The following ZNF512 variants were observed in gnomAD, a reference collection of about 807,000 sequenced individuals.
The protein encoded by ZNF512 is zinc finger protein 512.
A neutral mutation model predicts 77.5 loss-of-function variants in ZNF512; 25 were observed. That is an observed-to-expected ratio of 0.32 (90% CI 0.23 to 0.45). ZNF512 has a LOEUF of 0.45. Among genes scored for constraint, ZNF512 ranks in the 20% least tolerant of loss-of-function variants. The probability of loss-of-function intolerance (pLI) is 1.00; values close to 1 mark genes in which losing one functional copy is unlikely to be tolerated. For synonymous variants in ZNF512, 246 were observed against 239.9 expected (o/e 1.03, Z -0.24); for missense variants, 483 against 692.6 (o/e 0.70, Z 3.40).
chr2:27,609,559 C>G (rs1672518607), intron 10 of ZNF512, among the ~76,000 whole-genome samples: 1 of 152,042 alleles, frequency 6.6e-6, no homozygotes, highest in African/African-American at 2.4e-5. Context: ...GAAACCCCGT[C>G]TCTACTAAAA....
In ZNF512 at chr2:27,601,109, C is replaced by T. The variant is rs76742083; in HGVS notation, c.583-247C>T. ...CCATGAGAGGATAAGAAAGAAGTAACGCAGGGCTAAATGCCTAGCCCATTA... is the reference window on the plus strand; with the variant it reads ...CCATGAGAGGATAAGAAAGAAGTAATGCAGGGCTAAATGCCTAGCCCATTA... On this transcript the variant is annotated intron_variant, in intron 6 of 13. Transcript: ENST00000355467. Among the ~76,000 whole-genome samples, 1,401 of 152,254 alleles carry T rather than the reference C, an allele frequency of 9.2e-3. 20 individuals are homozygous for T. Among genetic ancestry groups the T allele is most frequent in the African/African-American group, 0.032 (1,334 of 41,540 alleles).
At chr2:27,620,014 A>G (rs1399818051) in intron 13 of ZNF512, among the ~76,000 whole-genome samples, 1 of 152,188 alleles carries the variant, frequency 6.6e-6, no homozygotes, top group Non-Finnish European at 1.5e-5. Context: ...AGGTCTAAAT[A>G]TTGCATTTGT....
chr2:27,617,601 T>TA (rs1324736039), intron 13 of ZNF512, 30 bp downstream of exon 13: 1 of 831,434 alleles, frequency 1.2e-6, no homozygotes, highest in Non-Finnish European at 2.2e-6. Flanking sequence ...GTGGGCCTGA[T>TA]ATGTAAGCCA....
intron 1 of ZNF512, 189 bp from the exon 2 acceptor site, chr2:27,583,469 G>A: frequency 6.8e-7 from 1 of 1,461,530 alleles, no homozygotes; most frequent in Non-Finnish European, 9.0e-7. Flanking sequence ...CGAAGGCTCT[G>A]GTATTGTTAC....
rs535828912 is a variant in ZNF512, at chr2:27,603,815, C to T, written c.936+508C>T. ...GTCTCATTATGTAGCACAGGCCAGT[C>T]GCAAACTCCTGGCCTCAAGTGATCC... On this transcript the variant is annotated intron_variant, in intron 9 of 13. Coordinates refer to ENST00000355467, the MANE Select transcript of ZNF512 (RefSeq NM_032434.4). 8.6e-5 allele frequency among the ~76,000 whole-genome samples: 13 copies of T among 151,786 alleles called. No homozygotes were observed. The South Asian group carries it at 2.3e-3, about 27-fold the overall frequency.
intron 2 of ZNF512, among the ~76,000 whole-genome samples, chr2:27,584,981 TG>T (rs1436204421): frequency 6.6e-6 from 1 of 152,206 alleles, no homozygotes; most frequent in Non-Finnish European, 1.5e-5. Flanking sequence ...GGAAGGGTAC[TG>T]GGAAACTGGT....
intron 11 of ZNF512, 39 bp downstream of exon 11, chr2:27,615,308 C>T (rs755022074): frequency 7.6e-7 from 1 of 1,315,960 alleles, no homozygotes; most frequent in Admixed American, 2.1e-5. Flanking sequence ...AAATGTTTAT[C>T]AAGCATCTGC....
intron 2 of ZNF512, among the ~76,000 whole-genome samples, chr2:27,592,623 T>C (rs1276126793): frequency 1.0e-4 from 15 of 150,440 alleles, no homozygotes; most frequent in Admixed American, 4.0e-4. Flanking sequence ...CCTAGTTTAT[T>C]TTTTATTGAG....
intron 5 of ZNF512, 132 bp from the exon 6 acceptor site, chr2:27,600,559 A>G: frequency 9.9e-7 from 1 of 1,010,692 alleles, no homozygotes; most frequent in Non-Finnish European, 1.4e-6. Context: ...ATACCCAGCA[A>G]GAGCCTCTTC....
rs1672302012 is a variant in ZNF512, at chr2:27,605,249, T to G, written c.936+1942T>G. ...CAGGTGGATTGCTTGAGCTCAGGAG[T>G]TCGAGACCAGCTGGGCAACATGGTG... On this transcript the variant is annotated intron_variant, in intron 9 of 13. Transcript: ENST00000355467. Among the ~76,000 whole-genome samples, 3 of 151,956 alleles carry G rather than the reference T, an allele frequency of 2.0e-5. No individual in the cohort carries two copies. In the South Asian group the frequency reaches 6.2e-4, roughly 32 times the overall value.
In ZNF512 at chr2:27,611,749, G is replaced by A. The variant is rs1460651611; in HGVS notation, c.1132-3419G>A. Among the ~76,000 whole-genome samples the A allele has an allele frequency of 2.0e-5, 3 of 150,094 alleles. No individual in the cohort carries two copies. In the East Asian group the frequency reaches 5.9e-4, roughly 29 times the overall value. On this transcript the variant is annotated intron_variant, in intron 10 of 13. Coordinates refer to ENST00000355467, the MANE Select transcript of ZNF512 (RefSeq NM_032434.4). ...GTCTCACTCTGTCACCCAGGCTGGA[G>A]TGCATTGGCGTGGTCTCGGCCCATT...
At chr2:27,591,318 A>G (rs1336313998) in intron 2 of ZNF512, among the ~76,000 whole-genome samples, 1 of 152,224 alleles carries the variant, frequency 6.6e-6, no homozygotes, top group Non-Finnish European at 1.5e-5. Context: ...ATCATGGGGA[A>G]TGGGATATCC....
intron 9 of ZNF512, among the ~76,000 whole-genome samples, chr2:27,605,569 G>A (rs1672319316): frequency 6.6e-6 from 1 of 151,846 alleles, no homozygotes; most frequent in Non-Finnish European, 1.5e-5. Flanking sequence ...TCTGCCTCCC[G>A]GGCTCAAGCC....
intron 7 of ZNF512, among the ~76,000 whole-genome samples, chr2:27,602,038 C>G (rs1014630203): frequency 3.9e-5 from 6 of 152,238 alleles, no homozygotes; most frequent in Non-Finnish European, 7.3e-5. Context: ...CCCTCCTTGG[C>G]CTGCCGAAGT....
At chr2:27,616,228 G>T in intron 11 of ZNF512, 34 bp from the exon 12 acceptor site, 2 of 1,551,660 alleles carry the variant, frequency 1.3e-6, no homozygotes, top group Non-Finnish European at 1.8e-6. Context: ...GAGCTATTTG[G>T]CATAGTCTTC....
chr2:27,610,103 G>T lies in ZNF512; in HGVS notation c.1131+2064G>T, dbSNP rs141743183. On this transcript the variant is annotated intron_variant, in intron 10 of 13. Coordinates refer to ENST00000355467, the MANE Select transcript of ZNF512 (RefSeq NM_032434.4). ...TTTGTTGCCGGGCGTGGTGGCTCAC[G>T]CCTGTAATCATAGCACTTTGGGAGT... 5.1e-3 allele frequency among the ~76,000 whole-genome samples: 776 copies of T among 151,536 alleles called. 12 individuals carry two copies. Among genetic ancestry groups the T allele is most frequent in the African/African-American group, 0.018 (734 of 41,346 alleles).
intron 1 of ZNF512, 157 bp downstream of exon 1, chr2:27,583,299 C>T: frequency 1.5e-6 from 2 of 1,311,646 alleles, no homozygotes; most frequent in African/African-American, 1.5e-5. Flanking sequence ...TTTCTTTACC[C>T]ACGTTCTGCT....
rs574407781 is a variant in ZNF512, at chr2:27,595,917, T to C, written c.90-2150T>C. 2.0e-5 allele frequency among the ~76,000 whole-genome samples: 3 copies of C among 152,346 alleles called. No individual in the cohort carries two copies. In the East Asian group the frequency reaches 5.8e-4, roughly 29 times the overall value. On this transcript the variant is annotated intron_variant, in intron 2 of 13. Coordinates refer to ENST00000355467, the MANE Select transcript of ZNF512 (RefSeq NM_032434.4). ...CTGGCATGTTTTGGTCATTTGTTCC[T>C]TTGAAAATTGCTCACATTTTCCTGG...
At chr2:27,601,593 C>T in intron 7 of ZNF512, 151 bp downstream of exon 7, 2 of 652,254 alleles carry the variant, frequency 3.1e-6, no homozygotes, top group Non-Finnish European at 5.3e-6. Flanking sequence ...CGTGTCTCAG[C>T]CCCTTGAGTG....
Sources: gnomAD v4.1 joint callset for allele counts (sites outside exome capture counted in the v4.1 genomes callset) on GRCh38, gnomAD v4.1.1 for gene constraint, MANE v1.5 for transcripts, NCBI Gene and HGNC (gene_info 2026-07-23, HGNC 2026-07-21) for gene names.